WDR27: variants seen among roughly 807,000 people sequenced by gnomAD.
The protein encoded by WDR27 is WD repeat domain 27.
A neutral mutation model predicts 114.4 loss-of-function variants in WDR27; 100 were observed. That is an observed-to-expected ratio of 0.87 (90% confidence interval 0.74 to 1.03). The LOEUF (loss-of-function observed/expected upper bound fraction) is 1.03, where lower values mean the gene tolerates loss of function less well. Ranked by LOEUF, WDR27 falls within the 50% of genes least tolerant of loss-of-function variation. The pLI, the probability that WDR27 is intolerant of heterozygous loss-of-function variation, is 0.00. For synonymous variants in WDR27, 449 were observed against 423.1 expected (o/e 1.06, Z -0.75); for missense variants, 1,129 against 1,092.9 (o/e 1.03, Z -0.47).
chr6:169,662,330 T>A lies in WDR27; in HGVS notation c.999A>T (p.Ser333=). 2 of 1,613,918 alleles carry A rather than the reference T, an allele frequency of 1.2e-6. No individual in the cohort carries two copies. The highest frequency in any genetic ancestry group is 2.2e-5 in the East Asian group (1 of 44,888). ...PVLRLAPCDL[S]LIPNSACGCL... ...ATCCACATGCAGAATTTGGGATGAG[T>A]GAGAGATCACAGGGTGCAAGTCTCA... Residue 333 remains serine, a synonymous_variant, in exon 9 of 26, where the codon TCA becomes TCT. Transcript: ENST00000448612.
intron 25 of WDR27, among the ~76,000 whole-genome samples, chr6:169,521,551 A>G (rs1348595369): frequency 2.6e-5 from 4 of 152,164 alleles, no homozygotes; most frequent in Non-Finnish European, 5.9e-5. Context: ...TAACAATAGT[A>G]TGAAGCCCAA....
chr6:169,456,214 CT>C (rs1413563023), downstream of WDR27, among the ~76,000 whole-genome samples: 4 of 152,088 alleles, frequency 2.6e-5, no homozygotes, highest in Admixed American at 6.5e-5. The surrounding 1 kb of genome is among the most constrained non-coding windows in gnomAD (Gnocchi z 4.0). Context: ...TTATTCTAAA[CT>C]TTTGCTTCTC....
At chr6:169,628,146 C>T (rs141222781) in intron 21 of WDR27, among the ~76,000 whole-genome samples, 145 of 152,058 alleles carry the variant, frequency 9.5e-4, no homozygotes, top group African/African-American at 3.4e-3. Context: ...GCTGAATGCC[C>T]TTATGAGGGA....
chr6:169,452,427 T>C (rs916966519), downstream of WDR27, among the ~76,000 whole-genome samples: 2 of 152,390 alleles, frequency 1.3e-5, no homozygotes, highest in East Asian at 1.9e-4. Context: ...TGAGTGTTTC[T>C]GTGAGGATCA....
chr6:169,612,842 G>GGTTA (rs1199311401), intron 22 of WDR27, among the ~76,000 whole-genome samples: 1 of 152,104 alleles, frequency 6.6e-6, no homozygotes, highest in African/African-American at 2.4e-5. Flanking sequence ...GTCAGTCACT[G>GGTTA]GTTAAGACAT....
At chr6:169,537,501 G>A (rs1405919983) in intron 25 of WDR27, among the ~76,000 whole-genome samples, 1 of 152,186 alleles carries the variant, frequency 6.6e-6, no homozygotes, top group Non-Finnish European at 1.5e-5. Flanking sequence ...CTCCCAAAGT[G>A]GAAGAGCTTG....
intron 14 of WDR27, among the ~76,000 whole-genome samples, chr6:169,651,421 C>T (rs566194291): frequency 6.6e-6 from 1 of 152,192 alleles, no homozygotes; most frequent in South Asian, 2.1e-4. Context: ...GAGTGGGCTC[C>T]TGAAGGTTTA....
intron 25 of WDR27, among the ~76,000 whole-genome samples, chr6:169,509,098 A>T (rs1792399184): frequency 1.3e-5 from 2 of 152,136 alleles, no homozygotes; most frequent in Non-Finnish European, 2.9e-5. Flanking sequence ...CTTCAAGGAG[A>T]ACTACAAACC....
intron 25 of WDR27, among the ~76,000 whole-genome samples, chr6:169,544,426 CTT>C (rs201281369): frequency 1.2e-4 from 17 of 140,784 alleles, no homozygotes; most frequent in Admixed American, 1.4e-4. Context: ...ATTTCTTTTC[CTT>C]TTTTTTTTTT....
At chr6:169,434,265 T>C in the WDR27 span, among the ~76,000 whole-genome samples, 6 of 152,178 alleles carry the variant, frequency 3.9e-5, no homozygotes, top group Admixed American at 1.3e-4. Context: ...TAATTTTGTG[T>C]AAGGTGTAAG....
chr6:169,514,805 ATG>A (rs1185817414), intron 25 of WDR27, among the ~76,000 whole-genome samples: 1 of 149,356 alleles, frequency 6.7e-6, no homozygotes, highest in Non-Finnish European at 1.5e-5. Context: ...CAGAAATAGC[ATG>A]TGTTAAAATT....
intron 25 of WDR27, among the ~76,000 whole-genome samples, chr6:169,488,720 C>G (rs1230974880): frequency 6.6e-6 from 1 of 152,186 alleles, no homozygotes; most frequent in African/African-American, 2.4e-5. Context: ...GCAAATGTAA[C>G]AAGGGGACAC....
chr6:169,446,387 G>A, the WDR27 span, among the ~76,000 whole-genome samples: 10 of 151,642 alleles, frequency 6.6e-5, no homozygotes, highest in Non-Finnish European at 1.5e-4. Flanking sequence ...GGCACAAGGC[G>A]GGACCAGGGT....
the WDR27 span, among the ~76,000 whole-genome samples, chr6:169,436,314 G>A: frequency 6.6e-6 from 1 of 152,158 alleles, no homozygotes; most frequent in South Asian, 2.1e-4. Flanking sequence ...GGTCAGACAG[G>A]ATTATATTTT....
intron 17 of WDR27, among the ~76,000 whole-genome samples, chr6:169,638,873 T>G (rs112052268): frequency 6.6e-6 from 1 of 152,248 alleles, no homozygotes; most frequent in Non-Finnish European, 1.5e-5. Flanking sequence ...GTGTGGCTTC[T>G]GAAGGCAGTT....
At chr6:169,589,398 G>C (rs1397256843) in intron 23 of WDR27, among the ~76,000 whole-genome samples, 2 of 152,128 alleles carry the variant, frequency 1.3e-5, no homozygotes, top group Non-Finnish European at 2.9e-5. Flanking sequence ...CCAGGCTGAG[G>C]GCAGGCAGCC....
intron 23 of WDR27, among the ~76,000 whole-genome samples, chr6:169,601,362 T>C (rs192508928): frequency 6.6e-6 from 1 of 152,206 alleles, no homozygotes; most frequent in East Asian, 1.9e-4. Flanking sequence ...ATCAGATTCA[T>C]CAAATGAATC....
chr6:169,659,321 C>T lies in WDR27; in HGVS notation c.1198-114G>A. On this transcript the variant is annotated intron_variant, in intron 11 of 25. Transcript: ENST00000448612. This position sits in a 1 kb window ranked among gnomAD's most constrained non-coding sequence, Gnocchi z 4.3. ...TTCATTCTCATAGCAGCGACATCGC[C>T]CTGTCACTCCTAAAACGTTTTTACA... is the stretch of plus-strand genomic sequence containing the variant. The T allele has an allele frequency of 6.4e-7, 1 of 1,558,696 alleles. No individual in the cohort carries two copies. The highest frequency in any genetic ancestry group is 8.7e-7 in the Non-Finnish European group (1 of 1,145,482).
intron 25 of WDR27, among the ~76,000 whole-genome samples, chr6:169,459,745 A>G (rs999059792): frequency 3.9e-5 from 6 of 152,106 alleles, no homozygotes; most frequent in African/African-American, 1.2e-4. Context: ...TTATCAGCAG[A>G]TTTCTCATAA....
Sources: allele counts gnomAD v4.1 joint callset (sites outside exome capture counted in the v4.1 genomes callset), GRCh38; gene constraint gnomAD v4.1.1; non-coding constraint Gnocchi (gnomAD v3.1); transcripts MANE v1.5; gene names NCBI Gene and HGNC (gene_info 2026-07-23, HGNC 2026-07-21).